The following ARID1B variants were observed in gnomAD, a reference collection of about 807,000 sequenced individuals.
The protein encoded by ARID1B is AT-rich interactive domain-containing protein 1B.
ARID1B carries 30 observed loss-of-function variants against 212.3 expected under a neutral mutation model. The observed-to-expected ratio is 0.14, with a 90% CI of 0.11 to 0.19. The LOEUF is 0.19. ARID1B is among the 10% of genes least tolerant of loss of function. The pLI is 1.00. For missense variants in ARID1B, 2,891 were observed against 3,204.0 expected, an observed-to-expected ratio of 0.90 and a Z score of 2.36; for synonymous variants, 1,402 against 1,301.7, an observed-to-expected ratio of 1.08 and a Z score of -1.66.
chr6:157,203,110 A>G lies in ARID1B; in HGVS notation c.5264-756A>G, dbSNP rs1025615175. On this transcript the variant is annotated intron_variant, in intron 18 of 19. Transcript: ENST00000636930. This position sits in a 1 kb window ranked among gnomAD's most constrained non-coding sequence, Gnocchi z 4.4. Reference sequence around the variant, plus strand: ...AGCCACGGTGTCTCCCCCTCATGCAATGATTCTTGGTGCCTGGAGAATGCC... The same window carrying G: ...AGCCACGGTGTCTCCCCCTCATGCAGTGATTCTTGGTGCCTGGAGAATGCC... Among the ~76,000 whole-genome samples, 1 of 152,192 alleles carries G rather than the reference A, an allele frequency of 6.6e-6. No individual in the cohort carries two copies.
intron 9 of ARID1B, chr6:157,168,856 T>G (rs1277544827): frequency 6.6e-6 from 1 of 152,222 alleles, no homozygotes; most frequent in Non-Finnish European, 1.5e-5. Flanking sequence ...TTTTACTGCA[T>G]TGTACATTTT....
chr6:156,796,301 T>C (rs1780373691), intron 1 of ARID1B, among the ~76,000 whole-genome samples: 1 of 152,104 alleles, frequency 6.6e-6, no homozygotes, highest in Non-Finnish European at 1.5e-5. Context: ...AGCAAATCAG[T>C]GGGCAGTTTA....
At chr6:156,930,667 G>A (rs935365052) in intron 3 of ARID1B, among the ~76,000 whole-genome samples, 4 of 152,038 alleles carry the variant, frequency 2.6e-5, no homozygotes, top group African/African-American at 9.7e-5. Flanking sequence ...TAAGTGACTG[G>A]TTAAATACGT....
In ARID1B at chr6:156,829,268, G is replaced by A. The variant is rs2128046047; in HGVS notation, c.1833G>A (p.Leu611=). 1 of 1,614,234 alleles carries A rather than the reference G, an allele frequency of 6.2e-7. No homozygotes were observed. The highest frequency in any genetic ancestry group is 1.1e-5 in the South Asian group (1 of 91,086). ...CAATGGTGATGAAGAGACCTCAGTTGTATGGCATGGGCAGTAACCCTCATT... is the reference window on the plus strand; with the variant it reads ...CAATGGTGATGAAGAGACCTCAGTTATATGGCATGGGCAGTAACCCTCATT... The part of the protein sequence containing the change: ...MDPMVMKRPQ[L]YGMGSNPHSQ... Residue 611 remains leucine (L), a synonymous_variant, in exon 2 of 20, where the codon TTG becomes TTA. Coordinates refer to ENST00000636930, the MANE Select transcript of ARID1B (RefSeq NM_001374828.1).
chr6:157,159,024 C>T (rs1790748184), intron 8 of ARID1B, among the ~76,000 whole-genome samples: 1 of 152,088 alleles, frequency 6.6e-6, no homozygotes, highest in Admixed American at 6.6e-5. Flanking sequence ...TACCAAACCC[C>T]CAAAGTTCTG....
rs774668010 is a variant in ARID1B at position 156,778,277 on chromosome 6, GCAGCAGCAGCAGCAA to G, written c.612_626del (p.Gln210_Gln214del). 1.0e-4 allele frequency: 158 copies of G among 1,540,474 alleles called. No homozygotes were observed. Among genetic ancestry groups the G allele is most frequent in the African/African-American group, 2.3e-4 (17 of 72,740 alleles). Reference sequence around the variant, plus strand: ...AGCAGCTAAACCAGTTCCAGCAGCAGCAGCAGCAGCAGCAACAGCAGCAGCAGCAGCAGCAGCAAC... The same window carrying G: ...AGCAGCTAAACCAGTTCCAGCAGCAGCAGCAGCAGCAGCAGCAGCAGCAAC... On this transcript the variant is annotated inframe_deletion, in exon 1 of 20. Transcript: ENST00000636930.
chr6:157,025,324 AGATGAAAGTTTTCT>A (rs1780589092), intron 4 of ARID1B, among the ~76,000 whole-genome samples: 2 of 152,272 alleles, frequency 1.3e-5, no homozygotes, highest in African/African-American at 4.8e-5. Flanking sequence ...TATTTGGACA[AGATGAAAGTTTTCT>A]GAGCATTGTG....
At chr6:156,883,113 G>C (rs1000429117) in intron 2 of ARID1B, among the ~76,000 whole-genome samples, 4 of 152,184 alleles carry the variant, frequency 2.6e-5, no homozygotes, top group Non-Finnish European at 5.9e-5. Context: ...GGCGCCTTTA[G>C]GCTCCCCATA....
chr6:157,144,863 G>A (rs1789612604), intron 7 of ARID1B, among the ~76,000 whole-genome samples: 1 of 152,262 alleles, frequency 6.6e-6, no homozygotes, highest in Admixed American at 6.5e-5. Flanking sequence ...CTGATGAACA[G>A]TGGTGTTTTT....
intron 4 of ARID1B, among the ~76,000 whole-genome samples, chr6:157,033,519 AGAAAG>A (rs1204655168): frequency 6.6e-6 from 1 of 152,238 alleles, no homozygotes; most frequent in Non-Finnish European, 1.5e-5. Context: ...AAAGTGAAAG[AGAAAG>A]GAAAGTACGG....
At chr6:156,808,223 G>A (rs545782617) in intron 1 of ARID1B, among the ~76,000 whole-genome samples, 4 of 152,270 alleles carry the variant, frequency 2.6e-5, no homozygotes, top group African/African-American at 9.6e-5. Flanking sequence ...TATTTTTCCC[G>A]AAGTTATTTG....
At chr6:157,194,095 C>A (rs1583487867) in intron 15 of ARID1B, 1 of 152,236 alleles carries the variant, frequency 6.6e-6, no homozygotes, top group Admixed American at 6.5e-5. Context: ...ACTCACACAT[C>A]TTTTCATATG....
intron 8 of ARID1B, 72 bp downstream of exon 8, chr6:157,149,023 A>G: frequency 6.9e-7 from 1 of 1,449,758 alleles, no homozygotes; most frequent in Non-Finnish European, 9.4e-7. Flanking sequence ...CTGCGCACAT[A>G]GCTGCATTGT....
chr6:156,890,508 T>A (rs73574075), intron 2 of ARID1B, among the ~76,000 whole-genome samples: 9,247 of 152,276 alleles, frequency 0.061, 933 homozygotes, highest in African/African-American at 0.21. Context: ...TTATCCCAGA[T>A]GTGTTGGTTT....
intron 15 of ARID1B, chr6:157,195,642 A>G (rs1793660199): frequency 6.3e-6 from 1 of 157,806 alleles, no homozygotes; most frequent in Non-Finnish European, 1.4e-5. Context: ...GGAGGGGCTC[A>G]TGGAAGGTGC....
chr6:157,122,238 C>T (rs570726141), intron 6 of ARID1B, among the ~76,000 whole-genome samples: 50 of 152,120 alleles, frequency 3.3e-4, no homozygotes, highest in Admixed American at 1.2e-3. Flanking sequence ...ATTGAAGTAG[C>T]GTTTTTCCTA....
intron 2 of ARID1B, among the ~76,000 whole-genome samples, chr6:156,896,437 G>T (rs1168993267): frequency 6.6e-6 from 1 of 151,614 alleles, no homozygotes; most frequent in Non-Finnish European, 1.5e-5. Flanking sequence ...TTAGCTGGTC[G>T]TGGTGGCCCG....
intron 2 of ARID1B, among the ~76,000 whole-genome samples, chr6:156,843,986 G>A (rs1784070090): frequency 1.3e-5 from 2 of 152,080 alleles, no homozygotes; most frequent in Non-Finnish European, 2.9e-5. Flanking sequence ...GTAGGAGTTT[G>A]CTGGGTCTGG....
intron 4 of ARID1B, among the ~76,000 whole-genome samples, chr6:157,001,580 T>A (rs188778746): frequency 4.7e-4 from 71 of 152,332 alleles, no homozygotes; most frequent in Non-Finnish European, 6.5e-4. Flanking sequence ...CATTTGTTAT[T>A]GAGCATTTAA....
Sources: gnomAD v4.1 joint callset for allele counts (sites outside exome capture counted in the v4.1 genomes callset) on GRCh38, gnomAD v4.1.1 for gene constraint, Gnocchi (gnomAD v3.1) non-coding constraint, MANE v1.5 for transcripts, NCBI Gene and HGNC (gene_info 2026-07-23, HGNC 2026-07-21) for gene names.